The following MTM1 variants were observed in gnomAD, a reference collection of about 807,000 sequenced individuals.
MTM1 encodes the protein myotubularin 1, also known as myotubularin.
MTM1 carries 9 observed loss-of-function variants against 52.1 expected under a neutral mutation model. That is an observed-to-expected ratio of 0.17 (90% CI 0.10 to 0.30). MTM1 has a LOEUF of 0.30. Among genes scored for constraint, MTM1 ranks in the 10% least tolerant of loss-of-function variants. The pLI, the probability that MTM1 is intolerant of heterozygous loss-of-function variation, is 1.00. For synonymous variants in MTM1, 136 were observed against 163.8 expected, an observed-to-expected ratio of 0.83 and a Z score of 1.29; for missense variants, 277 against 470.7, an observed-to-expected ratio of 0.59 and a Z score of 3.81.
At chrX:150,619,218 C>T in intron 6 of MTM1, 79 bp downstream of exon 6, 1 of 700,558 alleles carries the variant, frequency 1.4e-6, no homozygotes, top group Non-Finnish European at 2.3e-6. Flanking sequence ...CTGGGATCCT[C>T]TTTCTTTTAA....
At chrX:150,594,550 A>G (rs1025260843) in intron 2 of MTM1, among the ~76,000 whole-genome samples, 2 of 112,163 alleles carry the variant, frequency 1.8e-5, no homozygotes, top group Non-Finnish European at 3.8e-5. Context: ...ACATATATCA[A>G]TCTATATTTT....
chrX:150,648,240 T>C (rs782240597), intron 9 of MTM1, among the ~76,000 whole-genome samples: 1 of 112,076 alleles, frequency 8.9e-6, no homozygotes, highest in Non-Finnish European at 1.9e-5. Context: ...TCTCTGGCTT[T>C]TAACATAGGT....
At chrX:150,613,226 T>A (rs1603148857) in intron 4 of MTM1, among the ~76,000 whole-genome samples, 1 of 111,015 alleles carries the variant, frequency 9.0e-6, no homozygotes, top group African/African-American at 3.3e-5. Flanking sequence ...CCCTTAAAAA[T>A]TTTTTTTCTT....
At chrX:150,606,965 C>CGG (rs2039177877) in intron 4 of MTM1, among the ~76,000 whole-genome samples, 1 of 80,342 alleles carries the variant, frequency 1.2e-5, no homozygotes, top group Non-Finnish European at 2.5e-5. Flanking sequence ...TCCCCTCCCC[C>CGG]TCCCCTCCCC....
intron 12 of MTM1, 74 bp from the exon 13 acceptor site, chrX:150,660,297 C>T (rs1261982138): frequency 1.6e-6 from 1 of 642,617 alleles, no homozygotes; most frequent in Non-Finnish European, 2.5e-6. Context: ...TTGTTTACTT[C>T]TACAGTGTAT....
chrX:150,608,727 TA>T (rs1388935485), intron 4 of MTM1, among the ~76,000 whole-genome samples: 16 of 111,433 alleles, frequency 1.4e-4, no homozygotes, highest in African/African-American at 5.2e-4. Flanking sequence ...TGTTGTACAG[TA>T]GATCTCTGGA....
chrX:150,568,898 C>G (rs1237841964), intron 1 of MTM1, among the ~76,000 whole-genome samples: 2 of 112,755 alleles, frequency 1.8e-5, no homozygotes, highest in East Asian at 5.7e-4. Context: ...TCTCCCCGCC[C>G]AAGGTGGCCG....
chrX:150,618,414 G>A (rs1479559692), intron 5 of MTM1, among the ~76,000 whole-genome samples: 1 of 111,533 alleles, frequency 9.0e-6, no homozygotes, highest in Admixed American at 9.5e-5. Flanking sequence ...GGCACTTTGG[G>A]AGGCCGAGGC....
intron 10 of MTM1, among the ~76,000 whole-genome samples, chrX:150,653,725 C>T (rs782349024): frequency 1.8e-5 from 2 of 112,387 alleles, no homozygotes; most frequent in East Asian, 2.8e-4. Flanking sequence ...AGTTCACTGA[C>T]AGCCCCAGCA....
chrX:150,621,912 TGTCAGCAC>T (rs2039487139), intron 6 of MTM1, among the ~76,000 whole-genome samples: 1 of 112,120 alleles, frequency 8.9e-6, no homozygotes, highest in Non-Finnish European at 1.9e-5. Context: ...CTCTCTCTAC[TGTCAGCAC>T]AGTGACATCT....
In MTM1 at chrX:150,663,457, T is replaced by C. The variant is rs1049505; in HGVS notation, c.1492T>C (p.Leu498=). 1 of 1,210,731 alleles carries C rather than the reference T, an allele frequency of 8.3e-7. No individual in the cohort carries two copies. Residue 498 remains leucine, a synonymous_variant, in exon 14 of 15, where the codon TTA becomes CTA. Transcript: ENST00000370396. ...RQKVTERTVS[L]WSLINSNKEK... ...GAAGGTTACAGAAAGGACTGTTTCT[T>C]TATGGTCACTGATAAACAGTAATAA...
At chrX:150,671,368 A>G in intron 14 of MTM1, 60 bp from the exon 15 acceptor site, 1 of 1,172,038 alleles carries the variant, frequency 8.5e-7, no homozygotes, top group Non-Finnish European at 1.2e-6. Context: ...TGGGTGGAAC[A>G]CGTGAGTTCT....
At chrX:150,617,713 G>T (rs73620651) in intron 5 of MTM1, among the ~76,000 whole-genome samples, 10,712 of 111,538 alleles carry the variant, frequency 0.096, 476 homozygotes, top group Middle Eastern at 0.17. Flanking sequence ...CTTGGGAAGC[G>T]TTAAGAGTGC....
chrX:150,661,881 A>G (rs1557414711), intron 13 of MTM1, among the ~76,000 whole-genome samples: 1 of 111,989 alleles, frequency 8.9e-6, no homozygotes, highest in African/African-American at 3.2e-5. Flanking sequence ...GTTAATAATA[A>G]TGTATATTTG....
In MTM1 at chrX:150,641,416, C is replaced by A. The variant is rs587783848; in HGVS notation, c.676C>A (p.Pro226Thr). The part of the protein sequence containing the change: ...VATFRSRNRI[P>T]VLSWIHPENK... ...AACTTTTAGGTCCCGAAATCGAATTCCAGTGAGTACTGCAATTAACGTTTC... is the reference window on the plus strand; with the variant it reads ...AACTTTTAGGTCCCGAAATCGAATTACAGTGAGTACTGCAATTAACGTTTC... The change falls in exon 8 of 15, where the codon CCA (proline) becomes ACA (threonine). Residue 226 changes from proline to threonine, a missense_variant and splice_region_variant. Physicochemically the swap from Pro to Thr is conservative, Grantham distance 38. Transcript: ENST00000370396. The A allele has an allele frequency of 8.3e-7, 1 of 1,210,332 alleles. No homozygotes were observed. The highest frequency in any genetic ancestry group is 1.1e-6 in the Non-Finnish European group (1 of 894,338).
intron 5 of MTM1, 131 bp from the exon 6 acceptor site, chrX:150,618,907 T>C (rs2039431545): frequency 1.8e-6 from 1 of 541,238 alleles, no homozygotes; most frequent in African/African-American, 2.3e-5. Context: ...AACAAAGCAA[T>C]TTTGTAATAA....
intron 5 of MTM1, among the ~76,000 whole-genome samples, chrX:150,617,807 T>G (rs1022647953): frequency 1.8e-5 from 2 of 111,731 alleles, no homozygotes; most frequent in Non-Finnish European, 3.8e-5. Flanking sequence ...TCTGTACCGC[T>G]CCTGAAGTGG....
chrX:150,601,183 G>A (rs1393686902), intron 4 of MTM1, among the ~76,000 whole-genome samples: 1 of 111,519 alleles, frequency 9.0e-6, no homozygotes, highest in Admixed American at 9.6e-5. Flanking sequence ...TGCTGAGTGG[G>A]TGAATAAAAT....
At chrX:150,587,020 T>C (rs2038802050) in intron 1 of MTM1, among the ~76,000 whole-genome samples, 1 of 110,878 alleles carries the variant, frequency 9.0e-6, no homozygotes, top group Non-Finnish European at 1.9e-5. Flanking sequence ...CTGTTCCTCA[T>C]GACAGCACTG....
Sources: allele counts gnomAD v4.1 joint callset (sites outside exome capture counted in the v4.1 genomes callset), GRCh38; gene constraint gnomAD v4.1.1; transcripts MANE v1.5; gene names NCBI Gene and HGNC (gene_info 2026-07-23, HGNC 2026-07-21).